Variants in PRKCZ observed in about 807,000 individuals in gnomAD.
PRKCZ encodes protein kinase C zeta type.
A neutral mutation model predicts 79.5 loss-of-function variants in PRKCZ; 33 were observed. That is an observed-to-expected ratio of 0.41 (90% CI 0.31 to 0.55). PRKCZ has a LOEUF of 0.55. Among genes scored for constraint, PRKCZ ranks in the 20% least tolerant of loss-of-function variants. PRKCZ has a pLI of 0.19. For missense variants in PRKCZ, 578 were observed against 813.5 expected (o/e 0.71, Z 3.52); for synonymous variants, 342 against 320.9 (o/e 1.07, Z -0.70).
At chr1:2,148,179 C>G (rs150168065) in intron 7 of PRKCZ, among the ~76,000 whole-genome samples, 1,703 of 151,208 alleles carry the variant, frequency 0.011, 31 homozygotes, top group African/African-American at 0.039. Context: ...ACCCATCTGT[C>G]TGTTGTCCAC....
chr1:2,070,934 C>T (rs966079645), intron 4 of PRKCZ, among the ~76,000 whole-genome samples: 2 of 151,732 alleles, frequency 1.3e-5, no homozygotes, highest in Non-Finnish European at 2.9e-5. Context: ...CTCCCGCCCT[C>T]ATAGCCCTGT....
At chr1:2,073,075 G>A (rs1246272324) in intron 4 of PRKCZ, among the ~76,000 whole-genome samples, 2 of 152,276 alleles carry the variant, frequency 1.3e-5, no homozygotes, top group Admixed American at 1.3e-4. Flanking sequence ...GGCGGTGGCG[G>A]CTCTGGGTCT....
intron 4 of PRKCZ, among the ~76,000 whole-genome samples, chr1:2,111,240 G>A (rs1431599474): frequency 1.3e-5 from 2 of 152,152 alleles, no homozygotes; most frequent in Non-Finnish European, 2.9e-5. Context: ...GGAAAAGAAA[G>A]AGGCAGAGAA....
At chr1:2,055,078 G>A (rs962775879) in intron 1 of PRKCZ, among the ~76,000 whole-genome samples, 3 of 151,946 alleles carry the variant, frequency 2.0e-5, no homozygotes, top group Non-Finnish European at 4.4e-5. Flanking sequence ...GAGTAGCTGG[G>A]ACTACAGGCG....
chr1:2,131,042 A>G (rs1674856087), intron 4 of PRKCZ, among the ~76,000 whole-genome samples: 2 of 152,042 alleles, frequency 1.3e-5, no homozygotes, highest in Non-Finnish European at 1.5e-5. Context: ...GGCCACCATC[A>G]TGGGCTCGGA....
At chr1:2,164,249 C>T (rs1291793276) in intron 10 of PRKCZ, among the ~76,000 whole-genome samples, 2 of 152,190 alleles carry the variant, frequency 1.3e-5, no homozygotes, top group African/African-American at 4.8e-5. Flanking sequence ...CACCCACAGG[C>T]CTTGGGGGTA....
intron 5 of PRKCZ, among the ~76,000 whole-genome samples, chr1:2,136,010 C>T (rs1160617859): frequency 6.6e-6 from 1 of 152,104 alleles, no homozygotes; most frequent in African/African-American, 2.4e-5. Context: ...TGGAAGTATA[C>T]AGGGCCTGTC....
rs552948809 is a variant in PRKCZ at position 2,135,336 on chromosome 1, C to T, written c.409C>T (p.Arg137Cys). Residue 137 changes from arginine (R) to cysteine (C), a missense_variant, in exon 5 of 18, where the codon CGC becomes TGC. By Grantham distance (180) the Arg-to-Cys change is radical. Around this residue, in one of 4 missense-constraint regions of PRKCZ, gnomAD observed 228 missense variants for 211.6 expected, o/e 1.08. Coordinates refer to ENST00000378567, the MANE Select transcript of PRKCZ (RefSeq NM_002744.6). ...CAACGGCCACCTCTTCCAAGCCAAG[C>T]GCTTTAACAGGGTGAGTGGCCCCCT... ...RANGHLFQAK[R>C]FNRRAYCGQC... The T allele has an allele frequency of 2.4e-5, 39 of 1,612,294 alleles. No homozygotes were observed. The East Asian group carries it at 3.8e-4, about 16-fold the overall frequency.
intron 10 of PRKCZ, among the ~76,000 whole-genome samples, chr1:2,164,995 C>A (rs147074087): frequency 1.3e-5 from 2 of 152,288 alleles, no homozygotes; most frequent in African/African-American, 4.8e-5. Context: ...TGAGGACACC[C>A]GTGTTTGCCT....
In PRKCZ at chr1:2,148,394, G is replaced by A. The variant is rs916929244; in HGVS notation, c.635-478G>A. Among the ~76,000 whole-genome samples the A allele has an allele frequency of 1.6e-4, 20 of 125,172 alleles. No individual in the cohort carries two copies. In the South Asian group the frequency reaches 2.3e-3, roughly 15 times the overall value. 82.1% of individuals were successfully genotyped at this position (125,172 alleles called of 152,430 possible). On this transcript the variant is annotated intron_variant, in intron 7 of 17. Transcript: ENST00000378567. ...CCACCTATTGTCCACTGACCTCTCCGTCTATCCATCCATCTATTGTCCACT... is the reference window on the plus strand; with the variant it reads ...CCACCTATTGTCCACTGACCTCTCCATCTATCCATCCATCTATTGTCCACT...
rs187429659 is a variant in PRKCZ at position 2,162,727 on chromosome 1, C to T, written c.974+6635C>T. Among the ~76,000 whole-genome samples, 787 of 152,144 alleles carry T rather than the reference C, an allele frequency of 5.2e-3. 5 individuals are homozygous for T. Among genetic ancestry groups the T allele is most frequent in the South Asian group, 0.025 (121 of 4,812 alleles). On this transcript the variant is annotated intron_variant, in intron 10 of 17. Transcript: ENST00000378567. The stretch of plus-strand genomic sequence containing the variant: ...CTTCCCAGAGTGCTGGCATTTCAGG[C>T]GTGAGCCACGGTGCCTGGCCACTTC...
rs1020282801 is a variant in PRKCZ, at chr1:2,135,473, T to G, written c.420+126T>G. ...CTCTTTTTGGCGCCCGAGGGCAAGG[T>G]TACAGAAATGCTTTCTCTGGTGCAG... On this transcript the variant is annotated intron_variant, in intron 5 of 17. Transcript: ENST00000378567. 15 of 842,570 alleles carry G rather than the reference T, an allele frequency of 1.8e-5. No individual in the cohort carries two copies. The African/African-American group carries it at 2.4e-4, about 14-fold the overall frequency. 52.2% of individuals were successfully genotyped at this position (842,570 alleles called of 1,614,324 possible). A position where few individuals can be genotyped will look rare whatever the true frequency, so the allele number is the denominator to read the frequency against.
rs1451623194 is a variant in PRKCZ, at chr1:2,168,838, A to T, written c.975-680A>T. On this transcript the variant is annotated intron_variant, in intron 10 of 17. Coordinates refer to ENST00000378567, the MANE Select transcript of PRKCZ (RefSeq NM_002744.6). The surrounding 1 kb of genome is among the most constrained non-coding windows in gnomAD (Gnocchi z 4.7). ...CCACAGGGTATTTCTGGGAGATTGT[A>T]TGAGAATTTAATTTTGAAAATTGAG... 4.7e-6 allele frequency: 1 copy of T among 214,214 alleles called. No individual in the cohort carries two copies. The highest frequency in any genetic ancestry group is 2.3e-5 in the African/African-American group (1 of 43,378). The allele number at this position is 214,214 out of a possible 1,614,324, so 13.3% of individuals were successfully genotyped here.
At chr1:2,133,624 GC>G in intron 4 of PRKCZ, 1 of 134,944 alleles carries the variant, frequency 7.4e-6, no homozygotes, top group Non-Finnish European at 1.6e-5. Context: ...CCTCGGCTCC[GC>G]CCCCGGCTGT....
chr1:2,089,387 C>T (rs948252892), intron 4 of PRKCZ, among the ~76,000 whole-genome samples: 3 of 152,102 alleles, frequency 2.0e-5, no homozygotes, highest in Admixed American at 6.5e-5. Context: ...TCTGGTCCGT[C>T]GGGGTCTGCG....
Position 2,082,345 on chromosome 1 carries a change from C to G in PRKCZ, c.334+22754C>G, listed in dbSNP as rs921514387. 3.3e-5 allele frequency: 15 copies of G among 455,660 alleles called. No individual in the cohort carries two copies. Among genetic ancestry groups the G allele is most frequent in the African/African-American group, 8.0e-5 (4 of 50,182 alleles). The allele number at this position is 455,660 out of a possible 1,614,324, so 28.2% of individuals were successfully genotyped here. On this transcript the variant is annotated intron_variant, in intron 4 of 17. Coordinates refer to ENST00000378567, the MANE Select transcript of PRKCZ (RefSeq NM_002744.6). The surrounding 1 kb of genome is among the most constrained non-coding windows in gnomAD (Gnocchi z 4.4). Reference sequence around the variant, plus strand: ...GATGGACTTGGCAAATCACCTCTTTCAAGTTGCCGGCTACCCGGCTGCCGT... The same window carrying G: ...GATGGACTTGGCAAATCACCTCTTTGAAGTTGCCGGCTACCCGGCTGCCGT...
At chr1:2,086,936 T>C (rs932340432) in intron 4 of PRKCZ, among the ~76,000 whole-genome samples, 6 of 152,250 alleles carry the variant, frequency 3.9e-5, no homozygotes, top group African/African-American at 1.4e-4. Context: ...CCTCCTGCCA[T>C]GCCCATGCCC....
intron 3 of PRKCZ, among the ~76,000 whole-genome samples, chr1:2,058,036 G>GT (rs200171430): frequency 0.018 from 2,732 of 152,244 alleles, 41 homozygotes; most frequent in Middle Eastern, 0.058. Context: ...CCTGGCTAAT[G>GT]TTTTGTATTT....
At chr1:2,157,263 C>T (rs1451052485) in intron 10 of PRKCZ, among the ~76,000 whole-genome samples, 1 of 152,230 alleles carries the variant, frequency 6.6e-6, no homozygotes, top group Non-Finnish European at 1.5e-5. Context: ...CCTCAACAGG[C>T]ATGCCCGGAA....
Sources: allele counts gnomAD v4.1 joint callset (sites outside exome capture counted in the v4.1 genomes callset), GRCh38; gene constraint gnomAD v4.1.1; regional missense constraint gnomAD v4.1.1; non-coding constraint Gnocchi (gnomAD v3.1); transcripts MANE v1.5; gene names NCBI Gene and HGNC (gene_info 2026-07-23, HGNC 2026-07-21).